SNX29: variants seen among roughly 807,000 people sequenced by gnomAD.
The protein encoded by SNX29 is sorting nexin 29, also known as sorting nexin-29.
In SNX29, 78 loss-of-function variants were observed where a neutral mutation model predicts 102.1. That is an observed-to-expected ratio of 0.76 (90% confidence interval 0.64 to 0.92). The LOEUF (loss-of-function observed/expected upper bound fraction) is 0.92. SNX29 is among the 40% of genes least tolerant of loss of function. The pLI, the probability that SNX29 is intolerant of heterozygous loss-of-function variation, is 0.00. For synonymous variants in SNX29, 580 were observed against 414.5 expected (o/e 1.40, Z -4.85); for missense variants, 1,280 against 1,061.7 (o/e 1.21, Z -2.86).
At chr16:12,372,431 T>C (rs1295237477) in intron 16 of SNX29, 1 of 152,226 alleles carries the variant, frequency 6.6e-6, no homozygotes, top group Non-Finnish European at 1.5e-5. Context: ...TATGTTGTTC[T>C]TTGTTTATTC....
chr16:12,530,355 G>C (rs977603488), intron 20 of SNX29, among the ~76,000 whole-genome samples: 4 of 152,086 alleles, frequency 2.6e-5, no homozygotes, highest in Admixed American at 6.5e-5. Context: ...GATATTTTAG[G>C]GAAAGTGATG....
chr16:12,419,572 C>A (rs975356880), intron 18 of SNX29, among the ~76,000 whole-genome samples: 2 of 151,746 alleles, frequency 1.3e-5, no homozygotes, highest in Non-Finnish European at 2.9e-5. Context: ...GCCCCCCCCC[C>A]CATCTTTCTG....
At chr16:12,381,930 T>A (rs2083179927) in intron 16 of SNX29, among the ~76,000 whole-genome samples, 1 of 150,472 alleles carries the variant, frequency 6.6e-6, no homozygotes, top group African/African-American at 2.4e-5. Context: ...CACCCACACA[T>A]CCGGCATTTC....
chr16:12,498,655 C>G (rs1476587152), intron 19 of SNX29, among the ~76,000 whole-genome samples: 1 of 152,182 alleles, frequency 6.6e-6, no homozygotes, highest in African/African-American at 2.4e-5. Flanking sequence ...AGATAATGCA[C>G]ACATAAGCAA....
intron 16 of SNX29, chr16:12,375,103 G>C (rs191310410): frequency 0.024 from 3,633 of 152,222 alleles, 70 homozygotes; most frequent in East Asian, 0.1. Context: ...CAGTGCAAGT[G>C]GGAGGCGAGT....
At chr16:12,550,924 G>A (rs1385893136) in intron 20 of SNX29, among the ~76,000 whole-genome samples, 1 of 152,122 alleles carries the variant, frequency 6.6e-6, no homozygotes, top group Non-Finnish European at 1.5e-5. Flanking sequence ...TTATTTAAGT[G>A]GAAATAAATT....
intron 14 of SNX29, among the ~76,000 whole-genome samples, chr16:12,202,960 C>G (rs1426220830): frequency 2.6e-5 from 4 of 152,198 alleles, no homozygotes; most frequent in African/African-American, 9.7e-5. Flanking sequence ...GGTGACATTT[C>G]TGAAGTTGTG....
At chr16:12,546,842 G>T (rs905033207) in intron 20 of SNX29, among the ~76,000 whole-genome samples, 1 of 152,198 alleles carries the variant, frequency 6.6e-6, no homozygotes, top group African/African-American at 2.4e-5. Flanking sequence ...AAGGGATTAA[G>T]ATTATACAGT....
chr16:12,508,088 T>C (rs1276546066), intron 19 of SNX29, among the ~76,000 whole-genome samples: 1 of 152,222 alleles, frequency 6.6e-6, no homozygotes, highest in Non-Finnish European at 1.5e-5. Flanking sequence ...TTCTTACCTG[T>C]AAAAGGGAGG....
chr16:12,068,953 C>A, intron 9 of SNX29, 104 bp from the exon 10 acceptor site: 2 of 1,073,242 alleles, frequency 1.9e-6, no homozygotes, highest in South Asian at 1.5e-5. Context: ...ATTTCTTAGT[C>A]AAGTGATGTA....
At chr16:12,002,488 C>T (rs1198792618) in intron 2 of SNX29, among the ~76,000 whole-genome samples, 2 of 151,846 alleles carry the variant, frequency 1.3e-5, no homozygotes, top group Admixed American at 6.6e-5. Context: ...CTATTTTTCC[C>T]ACCCTCAGTA....
chr16:12,387,098 C>T (rs2083367042), intron 16 of SNX29, among the ~76,000 whole-genome samples: 1 of 151,324 alleles, frequency 6.6e-6, no homozygotes, highest in Admixed American at 6.6e-5. Flanking sequence ...GTATTCCAGC[C>T]TGGGCGACAG....
At chr16:12,052,406 G>C in intron 8 of SNX29, 184 bp downstream of exon 8, 1 of 565,736 alleles carries the variant, frequency 1.8e-6, no homozygotes. Context: ...TAGTAGAGAT[G>C]GGGTTTCACC....
intron 20 of SNX29, among the ~76,000 whole-genome samples, chr16:12,555,254 C>G (rs968205185): frequency 3.3e-5 from 5 of 150,976 alleles, no homozygotes; most frequent in African/African-American, 1.2e-4. Context: ...GATGAGGGTG[C>G]TCAAACCCAG....
rs573396603 is a variant in SNX29 at position 12,281,887 on chromosome 16, A to T, written c.1782+3851A>T. Among the ~76,000 whole-genome samples the T allele has an allele frequency of 5.6e-4, 85 of 152,086 alleles. No individual in the cohort carries two copies. In the South Asian group the frequency reaches 0.015, roughly 28 times the overall value. ...GGAGTTCGAGAGTAGCCTGGCCAACACGGGGAAACTATGTCTGCCAGATAG... is the reference window on the plus strand; with the variant it reads ...GGAGTTCGAGAGTAGCCTGGCCAACTCGGGGAAACTATGTCTGCCAGATAG... On this transcript the variant is annotated intron_variant, in intron 15 of 20. Coordinates refer to ENST00000566228, the MANE Select transcript of SNX29 (RefSeq NM_032167.5).
At chr16:12,459,938 G>T (rs573459469) in intron 18 of SNX29, among the ~76,000 whole-genome samples, 1 of 152,342 alleles carries the variant, frequency 6.6e-6, no homozygotes, top group East Asian at 1.9e-4. Context: ...CATCGGCCTA[G>T]CTCACAGAGT....
intron 19 of SNX29, among the ~76,000 whole-genome samples, chr16:12,487,247 G>GT (rs1281155767): frequency 6.6e-6 from 1 of 152,104 alleles, no homozygotes. Flanking sequence ...ACACACGTGC[G>GT]TTCTCATCCC....
At chr16:11,987,965 C>G (rs1227806426) in intron 1 of SNX29, among the ~76,000 whole-genome samples, 1 of 152,166 alleles carries the variant, frequency 6.6e-6, no homozygotes, top group Non-Finnish European at 1.5e-5. Flanking sequence ...CTTGATTTAT[C>G]ATAGCTTTAC....
intron 20 of SNX29, among the ~76,000 whole-genome samples, chr16:12,564,040 A>G (rs1016418735): frequency 6.8e-6 from 1 of 146,880 alleles, no homozygotes; most frequent in Admixed American, 6.8e-5. Flanking sequence ...TTGCACCGGT[A>G]AAAGGTTGTG....
Sources: allele counts gnomAD v4.1 joint callset (sites outside exome capture counted in the v4.1 genomes callset), GRCh38; gene constraint gnomAD v4.1.1; transcripts MANE v1.5; gene names NCBI Gene and HGNC (gene_info 2026-07-23, HGNC 2026-07-21).